The following FBXO38 variants were observed in gnomAD, a reference collection of about 807,000 sequenced individuals.
The protein encoded by FBXO38 is F-box protein 38.
Under a neutral mutation model 131.9 loss-of-function variants are expected in FBXO38, and 53 were observed. That is an observed-to-expected ratio of 0.40 (90% CI 0.32 to 0.51). The LOEUF is 0.51. Among genes scored for constraint, FBXO38 ranks in the 20% least tolerant of loss-of-function variants. The pLI is 0.53. For synonymous variants in FBXO38, 452 were observed against 505.6 expected, an observed-to-expected ratio of 0.89 and a Z score of 1.42; for missense variants, 1,076 against 1,475.6, an observed-to-expected ratio of 0.73 and a Z score of 4.44.
chr5:148,409,641 C>T (rs985023264), intron 8 of FBXO38, among the ~76,000 whole-genome samples: 1 of 152,174 alleles, frequency 6.6e-6, no homozygotes, highest in Admixed American at 6.5e-5. Context: ...TCAGCTTTTC[C>T]AAAGTCTGAC....
chr5:148,441,759 C>T (rs1448256598), intron 21 of FBXO38, among the ~76,000 whole-genome samples: 5 of 152,280 alleles, frequency 3.3e-5, no homozygotes, highest in East Asian at 3.9e-4. Flanking sequence ...GCCTTTGGTG[C>T]AGTATTTTTA....
chr5:148,389,444 C>T (rs980020674), intron 1 of FBXO38, among the ~76,000 whole-genome samples: 2 of 152,232 alleles, frequency 1.3e-5, no homozygotes, highest in Non-Finnish European at 2.9e-5. Context: ...ACCTGTCCCT[C>T]ATGCTCCATG....
At chr5:148,420,809 G>A (rs2113604714) in intron 12 of FBXO38, among the ~76,000 whole-genome samples, 1 of 152,032 alleles carries the variant, frequency 6.6e-6, no homozygotes, top group South Asian at 2.1e-4. Context: ...GCTGTGTGAG[G>A]CCAGATAATT....
intron 15 of FBXO38, among the ~76,000 whole-genome samples, chr5:148,431,840 A>G (rs1754060156): frequency 6.6e-6 from 1 of 152,190 alleles, no homozygotes; most frequent in Admixed American, 6.5e-5. Context: ...GCTTAGTTTC[A>G]AGGTCCTTGG....
intron 3 of FBXO38, 177 bp downstream of exon 3, chr5:148,399,309 G>A (rs939588795): frequency 6.3e-6 from 4 of 639,978 alleles, no homozygotes; most frequent in Admixed American, 6.1e-5. Flanking sequence ...TTTTACCTGA[G>A]GCTTTATTGT....
intron 15 of FBXO38, among the ~76,000 whole-genome samples, chr5:148,432,896 A>G (rs571801522): frequency 1.1e-4 from 17 of 152,338 alleles, no homozygotes; most frequent in Admixed American, 1.1e-3. Flanking sequence ...TGGACCTTTC[A>G]TAGATGGGTC....
chr5:148,434,904 C>T (rs1030028177), intron 17 of FBXO38: 1 of 151,994 alleles, frequency 6.6e-6, no homozygotes, highest in Non-Finnish European at 1.5e-5. Context: ...CCAGCCTGGC[C>T]AACATGGTGA....
intron 18 of FBXO38, 84 bp from the exon 19 acceptor site, chr5:148,439,563 A>G: frequency 5.3e-6 from 7 of 1,310,366 alleles, no homozygotes; most frequent in Non-Finnish European, 7.5e-6. Context: ...CTGAAGGTCC[A>G]TGGAAAGATT....
chr5:148,427,247 G>T lies in FBXO38; in HGVS notation c.1953G>T (p.Arg651Ser). The change falls in exon 15 of 22, where the codon AGG becomes AGT. Residue 651 changes from arginine (R) to serine (S), a missense_variant. By Grantham distance (110) the Arg-to-Ser change is moderately radical. Transcript: ENST00000340253. ...SGKGKTPLRKRYNSHQMGQSK... is the reference protein window; with the variant it reads ...SGKGKTPLRKSYNSHQMGQSK... ...AAGGCAAGACTCCACTTCGAAAGAG[G>T]TACAACTCCCATCAGATGGGCCAGT... 1 of 1,613,404 alleles carries T rather than the reference G, an allele frequency of 6.2e-7. No individual in the cohort carries two copies. Among genetic ancestry groups the T allele is most frequent in the Non-Finnish European group, 8.5e-7 (1 of 1,179,688 alleles).
chr5:148,406,732 A>G (rs988701367), intron 7 of FBXO38, among the ~76,000 whole-genome samples: 2 of 152,188 alleles, frequency 1.3e-5, no homozygotes, highest in Non-Finnish European at 2.9e-5. Context: ...GATGTTTTAC[A>G]ACTTGTACAG....
chr5:148,409,566 T>C, intron 8 of FBXO38, among the ~76,000 whole-genome samples: 1 of 152,240 alleles, frequency 6.6e-6, no homozygotes, highest in South Asian at 2.1e-4. Flanking sequence ...CATCTCTGGA[T>C]GATTTTCTGA....
intron 11 of FBXO38, chr5:148,416,636 G>A (rs1026228226): frequency 4.6e-6 from 1 of 215,892 alleles, no homozygotes; most frequent in Admixed American, 5.2e-5. Flanking sequence ...TCTCTTGTCA[G>A]TTATTAATGG....
chr5:148,438,862 A>T (rs1754506075), intron 18 of FBXO38, among the ~76,000 whole-genome samples: 2 of 152,188 alleles, frequency 1.3e-5, no homozygotes, highest in South Asian at 4.1e-4. Context: ...GTGAAACTCT[A>T]AAACATGTGC....
chr5:148,385,563 A>G (rs1227840638), intron 1 of FBXO38, among the ~76,000 whole-genome samples: 5 of 152,280 alleles, frequency 3.3e-5, no homozygotes, highest in African/African-American at 4.8e-5. Context: ...CTGTAAAACG[A>G]AGGGTTGAGC....
At chr5:148,401,961 A>G (rs762589546) in intron 3 of FBXO38, 21 bp from the exon 4 acceptor site, 4 of 1,572,088 alleles carry the variant, frequency 2.5e-6, no homozygotes, top group Non-Finnish European at 2.6e-6. Context: ...ACCTGGCTCT[A>G]AATACTTCTG....
chr5:148,407,003 A>G (rs1342993928), intron 7 of FBXO38, among the ~76,000 whole-genome samples: 1 of 152,236 alleles, frequency 6.6e-6, no homozygotes, highest in Non-Finnish European at 1.5e-5. Context: ...TTGGAAACCA[A>G]AAACTTAACT....
At chr5:148,422,820 G>C (rs1753514947) in intron 12 of FBXO38, among the ~76,000 whole-genome samples, 1 of 152,156 alleles carries the variant, frequency 6.6e-6, no homozygotes, top group Non-Finnish European at 1.5e-5. Flanking sequence ...AAACCTAGTG[G>C]TTTCCCTCTG....
intron 2 of FBXO38, among the ~76,000 whole-genome samples, chr5:148,395,442 T>C (rs897518188): frequency 6.7e-6 from 1 of 150,124 alleles, no homozygotes. Flanking sequence ...AAAAAAATTA[T>C]ATTTTTACCC....
At chr5:148,419,172 G>A (rs929046207) in intron 12 of FBXO38, among the ~76,000 whole-genome samples, 5 of 152,156 alleles carry the variant, frequency 3.3e-5, no homozygotes, top group African/African-American at 7.2e-5. Flanking sequence ...AAAGCAATAC[G>A]TAAATGCCAG....
Sources: allele counts gnomAD v4.1 joint callset (sites outside exome capture counted in the v4.1 genomes callset), GRCh38; gene constraint gnomAD v4.1.1; transcripts MANE v1.5; gene names NCBI Gene and HGNC (gene_info 2026-07-23, HGNC 2026-07-21).